Variants in USP53 observed in about 807,000 individuals in gnomAD.
USP53 encodes the protein ubiquitin carboxyl-terminal hydrolase 53.
Under a neutral mutation model 94.9 loss-of-function variants are expected in USP53, and 71 were observed. The observed-to-expected ratio is 0.75, with a 90% confidence interval of 0.62 to 0.91. The LOEUF (loss-of-function observed/expected upper bound fraction) is 0.91. Ranked by LOEUF, USP53 falls within the 40% of genes least tolerant of loss-of-function variation. The pLI, the probability that USP53 is intolerant of heterozygous loss-of-function variation, is 0.00. For synonymous variants in USP53, 375 were observed against 422.7 expected (o/e 0.89, Z 1.39); for missense variants, 1,173 against 1,281.0 (o/e 0.92, Z 1.29).
chr4:119,229,028 C>T (rs1424276284), intron 3 of USP53, among the ~76,000 whole-genome samples: 1 of 152,130 alleles, frequency 6.6e-6, no homozygotes. Flanking sequence ...GTTAGATTCC[C>T]TCTACTCTGC....
chr4:119,272,200 A>G (rs1751960944), intron 16 of USP53, 166 bp downstream of exon 16: 1 of 578,438 alleles, frequency 1.7e-6, no homozygotes, highest in Non-Finnish European at 2.8e-6. Flanking sequence ...ATGTTTCTGT[A>G]AAGAAACCTA....
chr4:119,274,649 C>G (rs1475446003), intron 17 of USP53, among the ~76,000 whole-genome samples: 2 of 147,176 alleles, frequency 1.4e-5, no homozygotes, highest in African/African-American at 4.9e-5. Flanking sequence ...ATTTCTAGTT[C>G]TAGATCCCTG....
intron 17 of USP53, among the ~76,000 whole-genome samples, chr4:119,277,922 C>G (rs1477413737): frequency 4.6e-5 from 6 of 130,476 alleles, no homozygotes; most frequent in Admixed American, 8.0e-5. Context: ...AGGATTGCAA[C>G]CCCTGCCTTT....
rs530464257 is a variant in USP53, at chr4:119,294,677, G to C, written c.*1466G>C. 1 of 152,130 alleles carries C rather than the reference G, an allele frequency of 6.6e-6. No individual in the cohort carries two copies. Among genetic ancestry groups the C allele is most frequent in the African/African-American group, 2.4e-5 (1 of 41,548 alleles). The allele number at this position is 152,130 out of a possible 1,614,324, so 9.4% of individuals were successfully genotyped here. A position where few individuals can be genotyped will look rare whatever the true frequency, so the allele number is the denominator to read the frequency against. ...TCGTGTTAAAACATTCTAAAATGTT[G>C]TAACTAATTTAATGTGAATACTGTT... On this transcript the variant is annotated 3_prime_UTR_variant, in exon 19 of 19. Transcript: ENST00000692078.
At chr4:119,260,440 G>A (rs2149385807) in intron 10 of USP53, 67 bp from the exon 11 acceptor site, 1 of 1,419,056 alleles carries the variant, frequency 7.0e-7, no homozygotes, top group African/African-American at 1.4e-5. Flanking sequence ...ATTATATAAT[G>A]CAAACTGTGT....
At position 119,293,202 on chromosome 4, in the gene USP53, ACTAT is replaced by A. The variant is rs774955439; in HGVS notation, c.3216_3219del (p.Ser1073ArgfsTer6). 6 of 1,595,290 alleles carry A rather than the reference ACTAT, an allele frequency of 3.8e-6. No homozygotes were observed. Among genetic ancestry groups the A allele is most frequent in the Non-Finnish European group, 5.1e-6 (6 of 1,175,870 alleles). On this transcript the variant is annotated frameshift_variant, in exon 19 of 19. Coordinates refer to ENST00000692078, the MANE Select transcript of USP53 (RefSeq NM_001371395.1). LOFTEE classifies it high-confidence loss of function. ...AGAGCAGTGGCTTTTGTAATAATTC[ACTAT>A]CTTAGAGTGAAAAAGGACTAGACCT...
In USP53 at chr4:119,267,375, C is replaced by T. The variant is rs752876910; in HGVS notation, c.1028C>T (p.Pro343Leu). The change falls in exon 13 of 19, where the codon CCA (proline) becomes CTA (leucine). Residue 343 changes from proline (P) to leucine (L), a missense_variant. Pro to Leu is a moderately conservative substitution (Grantham distance 98). Transcript: ENST00000692078. ...AAATGCATTCGATGCCACTTTCAGCCACTACTTTTGTTTTATGCAAACCCA... is the reference window on the plus strand; with the variant it reads ...AAATGCATTCGATGCCACTTTCAGCTACTACTTTTGTTTTATGCAAACCCA... ...VSKCIRCHFQ[P>L]LLLFYANPDG... The T allele has an allele frequency of 1.2e-6, 2 of 1,613,820 alleles. No homozygotes were observed. Among genetic ancestry groups the T allele is most frequent in the African/African-American group, 2.7e-5 (2 of 74,882 alleles).
intron 17 of USP53, among the ~76,000 whole-genome samples, chr4:119,288,302 T>C (rs1272901274): frequency 1.3e-5 from 2 of 152,252 alleles, no homozygotes; most frequent in Non-Finnish European, 2.9e-5. Context: ...CATTGTTTTA[T>C]GCTTTCAAAT....
In USP53 at chr4:119,267,368, T is replaced by G. The variant is rs988020835; in HGVS notation, c.1021T>G (p.Phe341Val). 6.2e-7 allele frequency: 1 copy of G among 1,614,014 alleles called. No individual in the cohort carries two copies. The highest frequency in any genetic ancestry group is 1.3e-5 in the African/African-American group (1 of 74,932). The change falls in exon 13 of 19, where the codon TTT becomes GTT. Residue 341 changes from phenylalanine to valine, a missense_variant. Physicochemically the swap from Phe to Val is conservative, Grantham distance 50 (BLOSUM62 -1). Transcript: ENST00000692078. ...TGTCTCCAAATGCATTCGATGCCACTTTCAGCCACTACTTTTGTTTTATGC... is the reference window on the plus strand; with the variant it reads ...TGTCTCCAAATGCATTCGATGCCACGTTCAGCCACTACTTTTGTTTTATGC... ...DVVSKCIRCHFQPLLLFYANP... is the reference protein window; with the variant it reads ...DVVSKCIRCHVQPLLLFYANP...
At chr4:119,235,544 C>T (rs1049020202) in intron 4 of USP53, 133 bp downstream of exon 4, 2 of 152,198 alleles carry the variant, frequency 1.3e-5, no homozygotes, top group Admixed American at 1.3e-4. Context: ...TCCAGAAGTG[C>T]TGGGATTACA....
intron 12 of USP53, among the ~76,000 whole-genome samples, chr4:119,265,152 A>G (rs1209463287): frequency 1.3e-5 from 2 of 152,162 alleles, no homozygotes; most frequent in Admixed American, 6.6e-5. Flanking sequence ...ACAAGGTAAG[A>G]TTTTGGGGTG....
intron 17 of USP53, among the ~76,000 whole-genome samples, chr4:119,278,438 T>C (rs1752964986): frequency 6.9e-6 from 1 of 145,122 alleles, no homozygotes; most frequent in Non-Finnish European, 1.5e-5. Flanking sequence ...CCCCACTCTC[T>C]TCTGGCTTGT....
intron 5 of USP53, among the ~76,000 whole-genome samples, chr4:119,242,902 A>G (rs985524037): frequency 2.0e-5 from 3 of 152,238 alleles, no homozygotes; most frequent in African/African-American, 7.2e-5. Context: ...TATAAGACAC[A>G]AAAATGAATT....
intron 5 of USP53, 99 bp from the exon 6 acceptor site, chr4:119,245,238 G>C: frequency 9.6e-7 from 1 of 1,040,890 alleles, no homozygotes; most frequent in Non-Finnish European, 1.5e-6. Context: ...GAAGTTACTT[G>C]TTCGCCTTTT....
At chr4:119,263,824 C>T (rs182169431) in intron 12 of USP53, among the ~76,000 whole-genome samples, 100 of 152,252 alleles carry the variant, frequency 6.6e-4, no homozygotes, top group Admixed American at 3.5e-3. Context: ...ATAATCCCAG[C>T]ACTTTGGGAG....
intron 16 of USP53, chr4:119,272,829 T>C (rs1162823102): frequency 6.6e-6 from 1 of 152,130 alleles, no homozygotes; most frequent in Admixed American, 6.5e-5. Flanking sequence ...TTAGCAAATA[T>C]AAAAAAAATC....
At position 119,294,187 on chromosome 4, in the gene USP53, G is replaced by GTT; in HGVS notation, c.*977_*978insTT. The GTT allele has an allele frequency of 6.6e-6, 1 of 152,144 alleles. No homozygotes were observed. The allele number at this position is 152,144 out of a possible 1,614,324, so 9.4% of individuals were successfully genotyped here. ...GCACCCTCTTATTGGGAATGTCACT[G>GTT]TAATTGCCTACATTTTCTTTGCTGT... On this transcript the variant is annotated 3_prime_UTR_variant, in exon 19 of 19. Coordinates refer to ENST00000692078, the MANE Select transcript of USP53 (RefSeq NM_001371395.1).
chr4:119,239,925 A>T, intron 5 of USP53, 22 bp downstream of exon 5: 1 of 1,406,772 alleles, frequency 7.1e-7, no homozygotes, highest in East Asian at 2.5e-5. Flanking sequence ...ATTACTTATT[A>T]CATTAAAAAA....
chr4:119,290,366 C>G (rs1236556953), intron 17 of USP53, among the ~76,000 whole-genome samples: 1 of 152,032 alleles, frequency 6.6e-6, no homozygotes, highest in African/African-American at 2.4e-5. Flanking sequence ...AATGTCAGAA[C>G]CAGGAGAGAA....
Sources: gnomAD v4.1 joint callset for allele counts (sites outside exome capture counted in the v4.1 genomes callset) on GRCh38, gnomAD v4.1.1 for gene constraint, MANE v1.5 for transcripts, NCBI Gene and HGNC (gene_info 2026-07-23, HGNC 2026-07-21) for gene names.